Variants in CHD7 observed in about 807,000 individuals in gnomAD.
The protein encoded by CHD7 is ATP-dependent chromatin remodeler CHD7.
CHD7 carries 24 observed loss-of-function variants against 307.3 expected under a neutral mutation model. The ratio of observed to expected loss-of-function variants is 0.08; its 90% CI spans 0.06 to 0.11. The LOEUF (loss-of-function observed/expected upper bound fraction) is 0.11. Among genes scored for constraint, CHD7 ranks in the 10% least tolerant of loss-of-function variants. The pLI, the probability that CHD7 is intolerant of heterozygous loss-of-function variation, is 1.00. For synonymous variants in CHD7, 1,363 were observed against 1,349.9 expected (o/e 1.01, Z -0.21); for missense variants, 3,106 against 3,727.1 (o/e 0.83, Z 4.34).
Position 60,830,514 on chromosome 8 carries a change from C to T in CHD7, c.3715C>T (p.Pro1239Ser). The T allele has an allele frequency of 6.2e-7, 1 of 1,613,892 alleles. No individual in the cohort carries two copies. The highest frequency in any genetic ancestry group is 8.5e-7 in the Non-Finnish European group (1 of 1,179,824). The change falls in exon 15 of 38, where the codon CCT becomes TCT. Residue 1239 changes from proline to serine, a missense_variant. Physicochemically the swap from Pro to Ser is moderately conservative, Grantham distance 74. Transcript: ENST00000423902. ...LSKGGGQANV[P>S]NLLNTMMELR... is the part of the protein sequence containing the mutation. ...CAAAGGCGGTGGTCAAGCTAACGTA[C>T]CTAACCTATTAAACACTATGATGGA...
chr8:60,744,478 A>AT (rs569101482), intron 2 of CHD7, among the ~76,000 whole-genome samples: 79 of 66,684 alleles, frequency 1.2e-3, no homozygotes, highest in East Asian at 4.5e-3. Flanking sequence ...TCAGAGCAGC[A>AT]TTTTTTTTTT....
intron 19 of CHD7, among the ~76,000 whole-genome samples, chr8:60,838,785 A>G (rs986604905): frequency 2.0e-5 from 3 of 152,180 alleles, no homozygotes; most frequent in Admixed American, 1.3e-4. Flanking sequence ...CTGCCTCTCT[A>G]TCAGAGCTGC....
chr8:60,854,643 T>TA (rs919434171), intron 32 of CHD7, 120 bp downstream of exon 32: 1 of 816,648 alleles, frequency 1.2e-6, no homozygotes, highest in African/African-American at 1.7e-5. Context: ...ATATGAAGAC[T>TA]ATAGATTTTT....
chr8:60,690,482 T>TA (rs1220991627), intron 1 of CHD7, among the ~76,000 whole-genome samples: 3 of 152,000 alleles, frequency 2.0e-5, no homozygotes, highest in Middle Eastern at 3.4e-3. Context: ...TTAAAAAAAA[T>TA]AAAAAAAATA....
chr8:60,720,007 C>G (rs942313647), intron 1 of CHD7, among the ~76,000 whole-genome samples: 1 of 152,192 alleles, frequency 6.6e-6, no homozygotes, highest in Non-Finnish European at 1.5e-5. Flanking sequence ...AATTCAGGTA[C>G]ATTAATTAAT....
chr8:60,682,107 C>G (rs1365888303), intron 1 of CHD7, among the ~76,000 whole-genome samples: 5 of 151,958 alleles, frequency 3.3e-5, no homozygotes, highest in African/African-American at 1.2e-4. Flanking sequence ...AACTTTTTTT[C>G]CCAAGTTGAA....
chr8:60,852,195 G>A lies in CHD7; in HGVS notation c.5842G>A (p.Val1948Met). ...DRRRRRPREE[V>M]RALEAEREAI... The stretch of plus-strand genomic sequence containing the variant: ...GCGCAGACGGCGGCCTCGAGAGGAA[G>A]TGAGAGCTCTGGAAGCGGAAAGGGA... Residue 1948 changes from valine to methionine, a missense_variant, in exon 29 of 38, where the codon GTG becomes ATG. This residue lies in a region of CHD7 where 1,030 missense variants were observed against 1,165.4 expected (regional missense o/e 0.88). Coordinates refer to ENST00000423902, the MANE Select transcript of CHD7 (RefSeq NM_017780.4). 6.2e-7 allele frequency: 1 copy of A among 1,613,900 alleles called. No homozygotes were observed.
rs1462838324 is a variant in CHD7 at position 60,742,802 on chromosome 8, A to C, written c.1370A>C (p.Gln457Pro). 2 of 1,614,044 alleles carry C rather than the reference A, an allele frequency of 1.2e-6. No individual in the cohort carries two copies. The highest frequency in any genetic ancestry group is 2.2e-5 in the East Asian group (1 of 44,886). The change falls in exon 2 of 38, where the codon CAG becomes CCG. Residue 457 changes from glutamine (Q) to proline (P), a missense_variant. Physicochemically the swap from Gln to Pro is moderately conservative, Grantham distance 76. Around this residue, in one of 10 missense-constraint regions of CHD7, gnomAD observed 998 missense variants for 1,004.5 expected, o/e 0.99. Transcript: ENST00000423902. ...AATATGGGCCCCAGAAACATGCAGCAGTCTCGTCCATTTATAGGCATGTCC... is the reference window on the plus strand; with the variant it reads ...AATATGGGCCCCAGAAACATGCAGCCGTCTCGTCCATTTATAGGCATGTCC... ...QRNMGPRNMQ[Q>P]SRPFIGMSSA...
chr8:60,750,787 A>G (rs1243906445), intron 2 of CHD7, among the ~76,000 whole-genome samples: 1 of 152,228 alleles, frequency 6.6e-6, no homozygotes, highest in East Asian at 1.9e-4. Context: ...CTCTTTCCCT[A>G]TCAGTTGCTG....
chr8:60,693,063 A>G (rs1427011907), intron 1 of CHD7, among the ~76,000 whole-genome samples: 1 of 152,230 alleles, frequency 6.6e-6, no homozygotes, highest in African/African-American at 2.4e-5. Context: ...TAGGCTCTGC[A>G]CTGCAAGTCT....
intron 8 of CHD7, among the ~76,000 whole-genome samples, chr8:60,816,820 G>A (rs1450417225): frequency 6.6e-6 from 1 of 152,196 alleles, no homozygotes; most frequent in African/African-American, 2.4e-5. Flanking sequence ...AGATTTAGCA[G>A]GTTAAGAAAT....
intron 3 of CHD7, among the ~76,000 whole-genome samples, chr8:60,787,634 CT>C (rs1448613212): frequency 1.3e-5 from 2 of 152,162 alleles, no homozygotes; most frequent in African/African-American, 4.8e-5. Flanking sequence ...GCCCTGACTT[CT>C]ATAGGAACAA....
chr8:60,758,078 C>G (rs922889174), intron 2 of CHD7, among the ~76,000 whole-genome samples: 1 of 152,090 alleles, frequency 6.6e-6, no homozygotes, highest in South Asian at 2.1e-4. Flanking sequence ...TACATTTATT[C>G]ATTTAAAAAT....
In CHD7 at chr8:60,741,898, A is replaced by C. The variant is rs2150578286; in HGVS notation, c.466A>C (p.Ile156Leu). 6.2e-7 allele frequency: 1 copy of C among 1,613,300 alleles called. No individual in the cohort carries two copies. The highest frequency in any genetic ancestry group is 8.5e-7 in the Non-Finnish European group (1 of 1,179,656). ...CAGGGCTGTTCAGGTACCAGACCAG[A>C]TACGAGCCCCCTACCAGCAGCAGCA... Reference protein sequence around the residue: ...GPRAVQVPDQIRAPYQQQQPQ... With the variant: ...GPRAVQVPDQLRAPYQQQQPQ... Residue 156 changes from isoleucine (I) to leucine (L), a missense_variant, in exon 2 of 38, where the codon ATA becomes CTA. Ile to Leu is a conservative substitution (Grantham distance 5, BLOSUM62 2). Coordinates refer to ENST00000423902, the MANE Select transcript of CHD7 (RefSeq NM_017780.4).
chr8:60,738,755 G>A (rs191861472), intron 1 of CHD7, among the ~76,000 whole-genome samples: 442 of 152,286 alleles, frequency 2.9e-3, no homozygotes, highest in Non-Finnish European at 4.5e-3. Flanking sequence ...ATGGCAGACT[G>A]CAAAGCCAGT....
chr8:60,679,923 G>A (rs868653364), intron 1 of CHD7: 1 of 151,992 alleles, frequency 6.6e-6, no homozygotes, highest in Non-Finnish European at 1.5e-5. Flanking sequence ...GGAGTTGGGG[G>A]CTCCTGGGGC....
At chr8:60,803,551 T>C (rs560700523) in intron 6 of CHD7, among the ~76,000 whole-genome samples, 1 of 152,296 alleles carries the variant, frequency 6.6e-6, no homozygotes, top group South Asian at 2.1e-4. Context: ...TTTGTTGAGT[T>C]GATGAATTTG....
At chr8:60,789,897 G>C (rs1430728276) in intron 3 of CHD7, among the ~76,000 whole-genome samples, 1 of 152,210 alleles carries the variant, frequency 6.6e-6, no homozygotes, top group African/African-American at 2.4e-5. Context: ...TATAAAGTTT[G>C]TGTTCTTCAA....
rs141952151 is a variant in CHD7, at chr8:60,713,301, C to T, written c.-174-27958C>T. 2.2e-3 allele frequency among the ~76,000 whole-genome samples: 334 copies of T among 151,852 alleles called. 6 individuals carry two copies. In the East Asian group the frequency reaches 0.032, roughly 14 times the overall value. On this transcript the variant is annotated intron_variant, in intron 1 of 37. Coordinates refer to ENST00000423902, the MANE Select transcript of CHD7 (RefSeq NM_017780.4). ...TAATTTTTGTATTTTTTAGTAGAGA[C>T]GGGGTTTCGCCATATTGGCCAGGCT...
Sources: allele counts gnomAD v4.1 joint callset (sites outside exome capture counted in the v4.1 genomes callset), GRCh38; gene constraint gnomAD v4.1.1; regional missense constraint gnomAD v4.1.1; transcripts MANE v1.5; gene names NCBI Gene and HGNC (gene_info 2026-07-23, HGNC 2026-07-21).